The following NUBPL variants were observed in gnomAD, a reference collection of about 807,000 sequenced individuals.
The protein encoded by NUBPL is NUBP iron-sulfur cluster assembly factor, mitochondrial.
Under a neutral mutation model 45.7 loss-of-function variants are expected in NUBPL, and 31 were observed. The observed-to-expected ratio is 0.68, with a 90% CI of 0.51 to 0.92. The LOEUF is 0.92. Ranked by LOEUF, NUBPL falls within the 40% of genes least tolerant of loss-of-function variation. The pLI is 0.00. For synonymous variants in NUBPL, 144 were observed against 140.9 expected (o/e 1.02, Z -0.15); for missense variants, 401 against 398.7 (o/e 1.01, Z -0.05).
intron 6 of NUBPL, among the ~76,000 whole-genome samples, chr14:31,770,239 G>C (rs1213511501): frequency 6.6e-6 from 1 of 152,174 alleles, no homozygotes; most frequent in African/African-American, 2.4e-5. Context: ...TGGGAGATCA[G>C]AGTTTTATTA....
rs186465672 is a variant in NUBPL, at chr14:31,826,549, G to A, written c.608-80G>A. 6.2e-4 allele frequency: 738 copies of A among 1,183,242 alleles called. 2 individuals carry two copies. The highest frequency in any genetic ancestry group is 8.1e-4 in the Non-Finnish European group (644 of 794,094). The allele number at this position is 1,183,242 out of a possible 1,614,324, so 73.3% of individuals were successfully genotyped here. On this transcript the variant is annotated intron_variant, in intron 7 of 10. Transcript: ENST00000281081. ...ATAGTTAACGTAATAGACTATTTGC[G>A]TATGTAAGCAACATAATGCTGGAAG...
chr14:31,688,403 C>T (rs1157076384), intron 6 of NUBPL, among the ~76,000 whole-genome samples: 2 of 151,712 alleles, frequency 1.3e-5, no homozygotes, highest in Non-Finnish European at 2.9e-5. Context: ...TAGCAAAACC[C>T]CGTCTCTACT....
intron 7 of NUBPL, among the ~76,000 whole-genome samples, chr14:31,803,515 A>G (rs369221261): frequency 3.3e-5 from 5 of 152,210 alleles, no homozygotes; most frequent in South Asian, 4.1e-4. Flanking sequence ...GAATTAGGAC[A>G]TTACGTTTCC....
At chr14:31,668,941 G>T (rs2036504772) in intron 4 of NUBPL, among the ~76,000 whole-genome samples, 2 of 152,162 alleles carry the variant, frequency 1.3e-5, no homozygotes, top group Admixed American at 6.5e-5. Context: ...CCTGCCTTCT[G>T]CATTGGTCTC....
At chr14:31,644,248 T>C (rs1296881179) in intron 4 of NUBPL, among the ~76,000 whole-genome samples, 3 of 152,094 alleles carry the variant, frequency 2.0e-5, no homozygotes, top group African/African-American at 7.2e-5. Flanking sequence ...TGTTAAGTTA[T>C]TTATTTGAAG....
chr14:31,723,816 G>A (rs2139956577), intron 6 of NUBPL, among the ~76,000 whole-genome samples: 1 of 152,316 alleles, frequency 6.6e-6, no homozygotes, highest in East Asian at 1.9e-4. Context: ...TGTTGCTGAA[G>A]TTGTTTATCA....
chr14:31,703,967 A>G (rs1253823897), intron 6 of NUBPL, among the ~76,000 whole-genome samples: 1 of 152,196 alleles, frequency 6.6e-6, no homozygotes, highest in Non-Finnish European at 1.5e-5. Flanking sequence ...CCACCACCTG[A>G]CATTCCTACT....
chr14:31,750,398 A>G (rs1429654817), intron 6 of NUBPL, among the ~76,000 whole-genome samples: 3 of 143,790 alleles, frequency 2.1e-5, no homozygotes, highest in Admixed American at 1.4e-4. Context: ...TTTAGTAGAG[A>G]CGGGGTTTCA....
chr14:31,778,548 A>G (rs2039136497), intron 6 of NUBPL, among the ~76,000 whole-genome samples: 1 of 152,206 alleles, frequency 6.6e-6, no homozygotes, highest in Non-Finnish European at 1.5e-5. Context: ...AAACATTTTG[A>G]ATAATTTGCC....
chr14:31,821,308 C>T (rs1245295080), intron 7 of NUBPL, among the ~76,000 whole-genome samples: 3 of 151,960 alleles, frequency 2.0e-5, no homozygotes, highest in Non-Finnish European at 2.9e-5. Context: ...GATTTATAAC[C>T]AGAATATATA....
chr14:31,762,740 G>A (rs1490748750), intron 6 of NUBPL, among the ~76,000 whole-genome samples: 1 of 152,020 alleles, frequency 6.6e-6, no homozygotes, highest in East Asian at 1.9e-4. Context: ...ACTGCTAATG[G>A]GTGTGGCATA....
intron 4 of NUBPL, among the ~76,000 whole-genome samples, chr14:31,664,140 C>G (rs1232031269): frequency 2.0e-5 from 3 of 152,134 alleles, no homozygotes; most frequent in Non-Finnish European, 4.4e-5. Context: ...TTTTTGGACT[C>G]AGACAATGGG....
intron 6 of NUBPL, among the ~76,000 whole-genome samples, chr14:31,774,641 C>T (rs1412854952): frequency 1.3e-5 from 2 of 152,270 alleles, no homozygotes; most frequent in East Asian, 3.9e-4. Flanking sequence ...CCCAGTCATT[C>T]CTCAGAAAAG....
At chr14:31,621,767 T>C (rs2035069567) in intron 4 of NUBPL, among the ~76,000 whole-genome samples, 1 of 152,200 alleles carries the variant, frequency 6.6e-6, no homozygotes, top group African/African-American at 2.4e-5. Flanking sequence ...AACGTCTTTT[T>C]TAAAATAAAG....
At chr14:31,738,124 A>G (rs1189411552) in intron 6 of NUBPL, among the ~76,000 whole-genome samples, 1 of 152,208 alleles carries the variant, frequency 6.6e-6, no homozygotes, top group Non-Finnish European at 1.5e-5. Flanking sequence ...CTTATATTAT[A>G]ACTCAACATA....
chr14:31,700,800 C>A (rs963297335), intron 6 of NUBPL, among the ~76,000 whole-genome samples: 1 of 152,180 alleles, frequency 6.6e-6, no homozygotes, highest in Non-Finnish European at 1.5e-5. Context: ...GGCTCAGGAC[C>A]TGCAGCCTGC....
intron 4 of NUBPL, among the ~76,000 whole-genome samples, chr14:31,629,872 G>C (rs1241093522): frequency 6.6e-6 from 1 of 151,828 alleles, no homozygotes; most frequent in African/African-American, 2.4e-5. Context: ...CGTTTTTCTC[G>C]TACTTCTTTT....
intron 3 of NUBPL, among the ~76,000 whole-genome samples, chr14:31,589,671 C>T (rs1203158203): frequency 1.3e-5 from 2 of 152,184 alleles, no homozygotes; most frequent in African/African-American, 4.8e-5. Flanking sequence ...TCCTCCTCCA[C>T]AAGCACACAC....
At chr14:31,848,927 C>T (rs934605263) in intron 9 of NUBPL, among the ~76,000 whole-genome samples, 30 of 152,138 alleles carry the variant, frequency 2.0e-4, no homozygotes, top group African/African-American at 7.2e-4. Flanking sequence ...AAAAAAATTT[C>T]ATTTCTAAGC....
Sources: gnomAD v4.1 joint callset for allele counts (sites outside exome capture counted in the v4.1 genomes callset) on GRCh38, gnomAD v4.1.1 for gene constraint, MANE v1.5 for transcripts, NCBI Gene and HGNC (gene_info 2026-07-23, HGNC 2026-07-21) for gene names.